Variants in FHIP1B observed in about 807,000 individuals in gnomAD.
The protein encoded by FHIP1B is FHF complex subunit HOOK-interacting protein 1B.
Under a neutral mutation model 82.2 loss-of-function variants are expected in FHIP1B, and 28 were observed. That is an observed-to-expected ratio of 0.34 (90% CI 0.25 to 0.47). The LOEUF (loss-of-function observed/expected upper bound fraction) is 0.47, where lower values mean the gene tolerates loss of function less well. Ranked by LOEUF, FHIP1B falls within the 20% of genes least tolerant of loss-of-function variation. The probability of loss-of-function intolerance (pLI) is 1.00; values close to 1 mark genes in which losing one functional copy is unlikely to be tolerated. For synonymous variants in FHIP1B, 585 were observed against 516.1 expected (o/e 1.13, Z -1.81); for missense variants, 1,110 against 1,262.6 (o/e 0.88, Z 1.83).
At chr11:6,230,971 T>C (rs556025144) in intron 1 of FHIP1B, among the ~76,000 whole-genome samples, 2 of 152,264 alleles carry the variant, frequency 1.3e-5, no homozygotes, top group South Asian at 2.1e-4. Flanking sequence ...ATTAAGAAAT[T>C]TGGATGTTGT....
intron 1 of FHIP1B, among the ~76,000 whole-genome samples, chr11:6,230,192 A>G (rs1847663004): frequency 1.3e-5 from 2 of 152,174 alleles, no homozygotes; most frequent in African/African-American, 4.8e-5. Flanking sequence ...GCTCAGCCTC[A>G]CTTATGAACC....
At chr11:6,233,674 C>T (rs1847761442) in intron 1 of FHIP1B, among the ~76,000 whole-genome samples, 1 of 152,126 alleles carries the variant, frequency 6.6e-6, no homozygotes, top group Non-Finnish European at 1.5e-5. Flanking sequence ...CTGTATAGGG[C>T]AAACCATATG....
chr11:6,222,685 G>A (rs915151146), intron 5 of FHIP1B, 76 bp from the exon 6 acceptor site: 2 of 1,573,290 alleles, frequency 1.3e-6, no homozygotes, highest in Non-Finnish European at 1.7e-6. Context: ...TGGATTCTAA[G>A]AGAAATCAGG....
At position 6,224,234 on chromosome 11, in the gene FHIP1B, C is replaced by T. The variant is rs775833000; in HGVS notation, c.153G>A (p.Leu51=). The change falls in exon 3 of 12, where the codon CTG becomes CTA. Residue 51 remains leucine (L), a synonymous_variant. Transcript: ENST00000449352. The part of the protein sequence containing the change: ...KNHWSQVVRI[L]ERQGPRAAPG... ...GAGCTGCCCGAGGGCCTTGCCGCTC[C>T]AGGATTCGCACCACCTAGGGAAAAA... 13 of 1,610,102 alleles carry T rather than the reference C, an allele frequency of 8.1e-6. No individual in the cohort carries two copies. The highest frequency in any genetic ancestry group is 2.2e-5 in the East Asian group (1 of 44,850).
intron 1 of FHIP1B, among the ~76,000 whole-genome samples, chr11:6,225,110 T>C (rs1220829525): frequency 6.6e-6 from 1 of 152,130 alleles, no homozygotes; most frequent in African/African-American, 2.4e-5. Flanking sequence ...ACAACCAGAG[T>C]GATATTTTTA....
At chr11:6,224,819 C>T (rs544885167) in intron 1 of FHIP1B, 112 bp from the exon 2 acceptor site, 79 of 308,738 alleles carry the variant, frequency 2.6e-4, no homozygotes, top group African/African-American at 1.5e-3. Context: ...CACACATACA[C>T]ACAATCAGCA....
In FHIP1B at chr11:6,222,691, T is replaced by C. The variant is rs1050855705; in HGVS notation, c.1024-82A>G. ...CATTTTCCCTGGATTCTAAGAGAAA[T>C]CAGGAGCAGACAGGGCAAAAGGGAG... On this transcript the variant is annotated intron_variant, in intron 5 of 11. Coordinates refer to ENST00000449352, the MANE Select transcript of FHIP1B (RefSeq NM_001098794.2). The C allele has an allele frequency of 4.5e-6, 7 of 1,570,648 alleles. No homozygotes were observed. In the African/African-American group the frequency reaches 9.5e-5, roughly 21 times the overall value.
chr11:6,225,658 A>T (rs1049607505), intron 1 of FHIP1B, among the ~76,000 whole-genome samples: 4 of 152,248 alleles, frequency 2.6e-5, no homozygotes, highest in Non-Finnish European at 5.9e-5. Context: ...GAATGAATGA[A>T]CAATCAATCA....
intron 1 of FHIP1B, among the ~76,000 whole-genome samples, chr11:6,233,633 G>T (rs931429102): frequency 6.6e-6 from 1 of 152,132 alleles, no homozygotes; most frequent in African/African-American, 2.4e-5. Flanking sequence ...AGGAGAGTAA[G>T]GCCATCCTGT....
At chr11:6,215,568 T>C (rs1309841029) in intron 9 of FHIP1B, among the ~76,000 whole-genome samples, 3 of 152,146 alleles carry the variant, frequency 2.0e-5, no homozygotes, top group Non-Finnish European at 4.4e-5. Flanking sequence ...AAAAAAATAT[T>C]TGGAGGACCA....
intron 1 of FHIP1B, among the ~76,000 whole-genome samples, chr11:6,230,585 G>T (rs1220011043): frequency 6.6e-6 from 1 of 152,092 alleles, no homozygotes; most frequent in Non-Finnish European, 1.5e-5. Flanking sequence ...TTCCCTCCCC[G>T]CAATATCACT....
At position 6,223,758 on chromosome 11, in the gene FHIP1B, A is replaced by C. The variant is rs1244776455; in HGVS notation, c.629T>G (p.Leu210Arg). 3 of 1,614,100 alleles carry C rather than the reference A, an allele frequency of 1.9e-6. No individual in the cohort carries two copies. Among genetic ancestry groups the C allele is most frequent in the African/African-American group, 1.3e-5 (1 of 74,942 alleles). ...PPPEPGAAPR[L>R]LLFSRLVPFV... ...AGGGACAAGGCGAGAAAAGAGAAGA[A>C]GACGGGGAGCGGCTCCAGGCTCAGG... The change falls in exon 3 of 12, where the codon CTT becomes CGT. Residue 210 changes from leucine (L) to arginine (R), a missense_variant. Physicochemically the swap from Leu to Arg is moderately radical, Grantham distance 102. Around this residue, in one of 6 missense-constraint regions of FHIP1B, gnomAD observed 467 missense variants for 602.9 expected, o/e 0.77. Coordinates refer to ENST00000449352, the MANE Select transcript of FHIP1B (RefSeq NM_001098794.2). This position sits in a 1 kb window ranked among gnomAD's most constrained non-coding sequence, Gnocchi z 4.8.
At chr11:6,216,931 C>T in intron 9 of FHIP1B, 1 of 608,634 alleles carries the variant, frequency 1.6e-6, no homozygotes, top group Non-Finnish European at 2.9e-6. Context: ...ACAGAAAACC[C>T]AAGACCCAGA....
intron 1 of FHIP1B, among the ~76,000 whole-genome samples, chr11:6,233,048 C>T (rs1375739987): frequency 6.6e-6 from 1 of 152,164 alleles, no homozygotes; most frequent in Non-Finnish European, 1.5e-5. Flanking sequence ...TGTTTAGGAA[C>T]CACTACTCTA....
In FHIP1B at chr11:6,211,760, C is replaced by T. The variant is rs1301036004; in HGVS notation, c.2665G>A (p.Ala889Thr). Residue 889 changes from alanine (A) to threonine (T), a missense_variant, in exon 12 of 12, where the codon GCA (alanine) becomes ACA (threonine). Ala to Thr is a moderately conservative substitution (Grantham distance 58). This residue lies in a region of FHIP1B where 147 missense variants were observed against 154.0 expected (regional missense o/e 0.95). Transcript: ENST00000449352. ...QLVLQPGRDG[A>T]GLGLSGGSPG... is the part of the protein sequence containing the mutation. ...GAGCCCCCACTTAGGCCAAGTCCTGCTCCGTCTCGCCCAGGCTGAAGGACC... is the reference window on the plus strand; with the variant it reads ...GAGCCCCCACTTAGGCCAAGTCCTGTTCCGTCTCGCCCAGGCTGAAGGACC... 5 of 1,614,232 alleles carry T rather than the reference C, an allele frequency of 3.1e-6. No homozygotes were observed. In the East Asian group the frequency reaches 8.9e-5, roughly 29 times the overall value.
In FHIP1B at chr11:6,226,046, A is replaced by G. The variant is rs191829202; in HGVS notation, c.-191-1339T>C. On this transcript the variant is annotated intron_variant, in intron 1 of 11. Coordinates refer to ENST00000449352, the MANE Select transcript of FHIP1B (RefSeq NM_001098794.2). ...CTCATCAGTACTGTCTCTCACAAGC[A>G]TAAAACCTTGAAAGGAAAGGGGTGG... 5.3e-5 allele frequency among the ~76,000 whole-genome samples: 8 copies of G among 152,308 alleles called. No homozygotes were observed. The East Asian group carries it at 1.5e-3, about 29-fold the overall frequency.
Position 6,222,567 on chromosome 11 carries a change from G to T in FHIP1B, c.1066C>A (p.Leu356Ile), listed in dbSNP as rs1847441325. The T allele has an allele frequency of 1.2e-6, 2 of 1,614,018 alleles. No individual in the cohort carries two copies. The highest frequency in any genetic ancestry group is 1.7e-6 in the Non-Finnish European group (2 of 1,180,018). ...EMIASTAYLE[L>I]FLRSISEPAL... ...GGCTCTGAGATACTCCGTAGGAAAA[G>T]TTCCAGATAGGCGGTACTGGCGATC... Residue 356 changes from leucine (L) to isoleucine (I), a missense_variant, in exon 6 of 12, where the codon CTT (leucine) becomes ATT (isoleucine). By Grantham distance (5) the Leu-to-Ile change is conservative. This residue lies in a region of FHIP1B where 467 missense variants were observed against 602.9 expected (regional missense o/e 0.77). Transcript: ENST00000449352.
chr11:6,220,862 G>A (rs892696184), intron 6 of FHIP1B, among the ~76,000 whole-genome samples: 1 of 152,178 alleles, frequency 6.6e-6, no homozygotes, highest in Non-Finnish European at 1.5e-5. Flanking sequence ...AGGACAATAT[G>A]AGGCCAATCA....
rs767084865 is a variant in FHIP1B at position 6,214,590 on chromosome 11, C to T, written c.2395-17G>A. The T allele has an allele frequency of 6.9e-6, 11 of 1,603,224 alleles. No homozygotes were observed. Among genetic ancestry groups the T allele is most frequent in the South Asian group, 2.2e-5 (2 of 89,514 alleles). On this transcript the variant is annotated splice_polypyrimidine_tract_variant and intron_variant, in intron 10 of 11. Coordinates refer to ENST00000449352, the MANE Select transcript of FHIP1B (RefSeq NM_001098794.2). The stretch of plus-strand genomic sequence containing the variant: ...GCCCAGCACCTATGAAGCACACCTT[C>T]GTGACATTTCTGAGCAGCTCTAGAC...
Sources: allele counts gnomAD v4.1 joint callset (sites outside exome capture counted in the v4.1 genomes callset), GRCh38; gene constraint gnomAD v4.1.1; regional missense constraint gnomAD v4.1.1; non-coding constraint Gnocchi (gnomAD v3.1); transcripts MANE v1.5; gene names NCBI Gene and HGNC (gene_info 2026-07-23, HGNC 2026-07-21).